PCDHGA3: variants seen among roughly 807,000 people sequenced by gnomAD.
The protein encoded by PCDHGA3 is protocadherin gamma subfamily A, 3, also known as protocadherin gamma-A3.
PCDHGA3 carries 40 observed loss-of-function variants against 58.5 expected under a neutral mutation model. The observed-to-expected ratio is 0.68, with a 90% CI of 0.53 to 0.89. PCDHGA3 has a LOEUF of 0.89. Ranked by LOEUF, PCDHGA3 falls within the 40% of genes least tolerant of loss-of-function variation. PCDHGA3 has a pLI of 0.00. For synonymous variants in PCDHGA3, 530 were observed against 525.7 expected, an observed-to-expected ratio of 1.01 and a Z score of -0.11; for missense variants, 1,223 against 1,195.9, an observed-to-expected ratio of 1.02 and a Z score of -0.33.
intron 1 of PCDHGA3, chr5:141,427,959 C>A: frequency 1.3e-6 from 2 of 1,588,886 alleles, no homozygotes; most frequent in Non-Finnish European, 1.7e-6. Flanking sequence ...CAATGTGCCG[C>A]GGGTGCTGTA....
At chr5:141,371,928 G>C (rs1305933236) in intron 1 of PCDHGA3, 1 of 1,613,350 alleles carries the variant, frequency 6.2e-7, no homozygotes. Flanking sequence ...CGCGCGGAGC[G>C]GGGTGGTGTT....
rs150878327 is a variant in PCDHGA3 at position 141,438,347 on chromosome 5, C to A, written c.2425-56460C>A. On this transcript the variant is annotated intron_variant, in intron 1 of 3. Coordinates refer to ENST00000253812, the MANE Select transcript of PCDHGA3 (RefSeq NM_018916.4). ...CTTATACATGTCATATAAGGATCTACTCTGTGTATTGTCATTGAGGGCAGA... is the reference window on the plus strand; with the variant it reads ...CTTATACATGTCATATAAGGATCTAATCTGTGTATTGTCATTGAGGGCAGA... Among the ~76,000 whole-genome samples the A allele has an allele frequency of 3.9e-3, 588 of 151,848 alleles. 6 individuals are homozygous for A. Among genetic ancestry groups the A allele is most frequent in the Admixed American group, 0.011 (169 of 15,256 alleles).
At position 141,487,577 on chromosome 5, in the gene PCDHGA3, C is replaced by T; in HGVS notation, c.2425-7230C>T. 1 of 1,614,150 alleles carries T rather than the reference C, an allele frequency of 6.2e-7. No homozygotes were observed. Among genetic ancestry groups the T allele is most frequent in the Non-Finnish European group, 8.5e-7 (1 of 1,180,024 alleles). On this transcript the variant is annotated intron_variant, in intron 1 of 3. Transcript: ENST00000253812. This position sits in a 1 kb window ranked among gnomAD's most constrained non-coding sequence, Gnocchi z 5.0. ...ACCTATGGCAGGGGAGCCTGTTCGCCCAAGCTGCCCACCCTCTGATCTTCT... is the reference window on the plus strand; with the variant it reads ...ACCTATGGCAGGGGAGCCTGTTCGCTCAAGCTGCCCACCCTCTGATCTTCT...
At position 141,346,186 on chromosome 5, in the gene PCDHGA3, G is replaced by T. The variant is rs759993278; in HGVS notation, c.2153G>T (p.Arg718Leu). Residue 718 changes from arginine (R) to leucine (L), a missense_variant, in exon 1 of 4, where the codon CGC (arginine) becomes CTC (leucine). Arg to Leu is a moderately radical substitution (Grantham distance 102, BLOSUM62 -2). Coordinates refer to ENST00000253812, the MANE Select transcript of PCDHGA3 (RefSeq NM_018916.4). Reference sequence around the variant, plus strand: ...GTGCTGCTGGCGCTCAGGCTGCGGCGCTGGCACAAGTCACGCCTGCTGCAG... The same window carrying T: ...GTGCTGCTGGCGCTCAGGCTGCGGCTCTGGCACAAGTCACGCCTGCTGCAG... ...VIVLLALRLR[R>L]WHKSRLLQAS... The T allele has an allele frequency of 3.1e-6, 5 of 1,614,060 alleles. No homozygotes were observed. The highest frequency in any genetic ancestry group is 4.2e-6 in the Non-Finnish European group (5 of 1,179,970).
chr5:141,404,468 T>G, intron 1 of PCDHGA3: 2 of 1,613,514 alleles, frequency 1.2e-6, no homozygotes, highest in Non-Finnish European at 8.5e-7. Context: ...CACCTATGTC[T>G]CTATTAACTC....
chr5:141,382,072 G>T (rs901840757), intron 1 of PCDHGA3, among the ~76,000 whole-genome samples: 2 of 151,786 alleles, frequency 1.3e-5, no homozygotes, highest in Non-Finnish European at 2.9e-5. Context: ...CAGGTGATCC[G>T]CCCGCCTCGG....
Position 141,418,514 on chromosome 5 carries a change from G to A in PCDHGA3, c.2424+72057G>A. Reference sequence around the variant, plus strand: ...GGTACTGACCGCCTTAGATGGTGGGGACCCTCCCCGAAGCGGTACTGCTCA... The same window carrying A: ...GGTACTGACCGCCTTAGATGGTGGGAACCCTCCCCGAAGCGGTACTGCTCA... On this transcript the variant is annotated intron_variant, in intron 1 of 3. Transcript: ENST00000253812. 1 of 1,613,996 alleles carries A rather than the reference G, an allele frequency of 6.2e-7. No homozygotes were observed.
intron 1 of PCDHGA3, chr5:141,428,187 C>T: frequency 1.4e-6 from 2 of 1,439,502 alleles, no homozygotes; most frequent in Non-Finnish European, 1.9e-6. Context: ...GGACAGCCGC[C>T]GCTCTCTGCG....
At chr5:141,348,433 T>C (rs1223053544) in intron 1 of PCDHGA3, among the ~76,000 whole-genome samples, 1 of 152,076 alleles carries the variant, frequency 6.6e-6, no homozygotes, top group East Asian at 1.9e-4. Flanking sequence ...TTTTAACATA[T>C]CATTTTTAGA....
chr5:141,350,382 A>G (rs1758460204), intron 1 of PCDHGA3: 1 of 1,590,226 alleles, frequency 6.3e-7, no homozygotes, highest in African/African-American at 1.3e-5. Context: ...GAGCTAGCCA[A>G]CGGCTCACGG....
At chr5:141,390,754 T>C (rs2092225927) in intron 1 of PCDHGA3, 1 of 168,266 alleles carries the variant, frequency 5.9e-6, no homozygotes, top group East Asian at 1.8e-4. Context: ...AGTCCACTGT[T>C]TTGTTTCCTG....
At position 141,432,203 on chromosome 5, in the gene PCDHGA3, G is replaced by A. The variant is rs1282888078; in HGVS notation, c.2425-62604G>A. The A allele has an allele frequency of 3.1e-6, 5 of 1,614,062 alleles. No homozygotes were observed. The highest frequency in any genetic ancestry group is 1.3e-5 in the African/African-American group (1 of 74,920). ...TGTGACCGCCCACGACCCCGACTGT[G>A]AAGAGAACGCCCAGATCACTTATTC... On this transcript the variant is annotated intron_variant, in intron 1 of 3. Transcript: ENST00000253812. The surrounding 1 kb of genome is among the most constrained non-coding windows in gnomAD (Gnocchi z 6.0).
Position 141,491,329 on chromosome 5 carries a change from G to A in PCDHGA3, c.2425-3478G>A. The A allele has an allele frequency of 6.2e-7, 1 of 1,614,142 alleles. No individual in the cohort carries two copies. Among genetic ancestry groups the A allele is most frequent in the Non-Finnish European group, 8.5e-7 (1 of 1,180,022 alleles). On this transcript the variant is annotated intron_variant, in intron 1 of 3. Coordinates refer to ENST00000253812, the MANE Select transcript of PCDHGA3 (RefSeq NM_018916.4). The surrounding 1 kb of genome is among the most constrained non-coding windows in gnomAD (Gnocchi z 6.9). ...AGACCTTACCCTTTACCTCATTGTG[G>A]CTCTAGCGACCGTCAGTCTCTTATC...
chr5:141,383,073 G>A, intron 1 of PCDHGA3: 1 of 1,613,920 alleles, frequency 6.2e-7, no homozygotes. Context: ...AGCCCCGGGA[G>A]CTGGCGGAGC....
At chr5:141,383,503 C>T (rs751472631) in intron 1 of PCDHGA3, 24 of 1,612,654 alleles carry the variant, frequency 1.5e-5, no homozygotes, top group East Asian at 2.2e-5. Context: ...GGTGCTGGAC[C>T]GGGAGGAAGA....
intron 1 of PCDHGA3, chr5:141,404,968 G>A: frequency 6.2e-7 from 1 of 1,613,964 alleles, no homozygotes. Context: ...CAGACATCCT[G>A]GCTGACCTGG....
chr5:141,376,207 C>T lies in PCDHGA3; in HGVS notation c.2424+29750C>T. On this transcript the variant is annotated intron_variant, in intron 1 of 3. Coordinates refer to ENST00000253812, the MANE Select transcript of PCDHGA3 (RefSeq NM_018916.4). ...TCTCCTGCGTCTTCCTGGCCTTCGT[C>T]ATCGTGCTGCTGGCGCTCAGACTGC... 1.9e-6 allele frequency: 3 copies of T among 1,614,208 alleles called. No homozygotes were observed. The African/African-American group carries it at 4.0e-5, about 22-fold the overall frequency.
intron 1 of PCDHGA3, chr5:141,478,730 G>A: frequency 6.5e-7 from 1 of 1,538,906 alleles, no homozygotes; most frequent in South Asian, 1.2e-5. Flanking sequence ...GCCAGAGTGT[G>A]GTTTGTGGTC....
In PCDHGA3 at chr5:141,489,574, C is replaced by T. The variant is rs963768096; in HGVS notation, c.2425-5233C>T. The T allele has an allele frequency of 2.5e-6, 4 of 1,613,978 alleles. No homozygotes were observed. The highest frequency in any genetic ancestry group is 3.4e-6 in the Non-Finnish European group (4 of 1,180,014). ...GCTGCCAGTGCAGGTGGTGACTGAA[C>T]ACCCCCTGGAGCTAATCCGTGTAGA... On this transcript the variant is annotated intron_variant, in intron 1 of 3. Coordinates refer to ENST00000253812, the MANE Select transcript of PCDHGA3 (RefSeq NM_018916.4). This position sits in a 1 kb window ranked among gnomAD's most constrained non-coding sequence, Gnocchi z 4.5.
Sources: gnomAD v4.1 joint callset for allele counts (sites outside exome capture counted in the v4.1 genomes callset) on GRCh38, gnomAD v4.1.1 for gene constraint, Gnocchi (gnomAD v3.1) non-coding constraint, MANE v1.5 for transcripts, NCBI Gene and HGNC (gene_info 2026-07-23, HGNC 2026-07-21) for gene names.